Variants in CCNE2 observed in about 807,000 individuals in gnomAD.
CCNE2 encodes the protein cyclin E2.
Under a neutral mutation model 56.8 loss-of-function variants are expected in CCNE2, and 18 were observed. That is an observed-to-expected ratio of 0.32 (90% CI 0.22 to 0.47). The LOEUF (loss-of-function observed/expected upper bound fraction) is 0.47. CCNE2 is among the 20% of genes least tolerant of loss of function. The pLI, the probability that CCNE2 is intolerant of heterozygous loss-of-function variation, is 1.00. For synonymous variants in CCNE2, 139 were observed against 149.2 expected (o/e 0.93, Z 0.50); for missense variants, 371 against 467.1 (o/e 0.79, Z 1.90).
intron 9 of CCNE2, chr8:94,883,952 T>C (rs953526312): frequency 2.2e-5 from 10 of 455,726 alleles, no homozygotes; most frequent in South Asian, 6.2e-5. Context: ...ATTACTGTTA[T>C]ATACCTCTAG....
In CCNE2 at chr8:94,895,128, C is replaced by A. The variant is rs1817438228; in HGVS notation, c.-27+49G>T. 6 of 967,796 alleles carry A rather than the reference C, an allele frequency of 6.2e-6. No individual in the cohort carries two copies. In the South Asian group the frequency reaches 1.4e-4, roughly 23 times the overall value. The allele number at this position is 967,796 out of a possible 1,614,324, so 60.0% of individuals were successfully genotyped here. A position where few individuals can be genotyped will look rare whatever the true frequency, so the allele number is the denominator to read the frequency against. On this transcript the variant is annotated intron_variant, in intron 1 of 11. Transcript: ENST00000308108. Reference sequence around the variant, plus strand: ...CGCCTGTGGTAAGTGATCGGCCCAACTGGGCTTTCTTTCCTCCCACATCCC... The same window carrying A: ...CGCCTGTGGTAAGTGATCGGCCCAAATGGGCTTTCTTTCCTCCCACATCCC...
chr8:94,883,210 A>G (rs1170731857), intron 9 of CCNE2, among the ~76,000 whole-genome samples: 1 of 151,822 alleles, frequency 6.6e-6, no homozygotes, highest in Non-Finnish European at 1.5e-5. Context: ...CGGGATGCAG[A>G]GCTTGCAGTG....
At chr8:94,890,303 C>T (rs988987441) in intron 6 of CCNE2, 112 bp downstream of exon 6, 1 of 902,834 alleles carries the variant, frequency 1.1e-6, no homozygotes, top group Non-Finnish European at 1.6e-6. Context: ...TCAAAAAAGA[C>T]AGCTTCCTGG....
At chr8:94,888,893 AATCCC>A (rs1318060737) in intron 6 of CCNE2, among the ~76,000 whole-genome samples, 1 of 152,184 alleles carries the variant, frequency 6.6e-6, no homozygotes, top group Non-Finnish European at 1.5e-5. Flanking sequence ...TCACATCTGT[AATCCC>A]AGCACTTTGG....
In CCNE2 at chr8:94,895,178, G is replaced by A. The variant is rs374842718; in HGVS notation, c.-28C>T. ...CCCCTACGCGCAGCAACTCCTCACC[G>A]CCAGACCAGCTACCGCTCGGCTCAG... On this transcript the variant is annotated splice_region_variant and 5_prime_UTR_variant, in exon 1 of 12. Transcript: ENST00000308108. 18 of 985,776 alleles carry A rather than the reference G, an allele frequency of 1.8e-5. No individual in the cohort carries two copies. The East Asian group carries it at 5.7e-4, about 31-fold the overall frequency. 61.1% of individuals were successfully genotyped at this position (985,776 alleles called of 1,614,324 possible).
chr8:94,881,316 A>AGAT lies in CCNE2; in HGVS notation c.*313_*315dup. The AGAT allele has an allele frequency of 5.4e-6, 2 of 369,694 alleles. No homozygotes were observed. Among genetic ancestry groups the AGAT allele is most frequent in the Non-Finnish European group, 9.6e-6 (2 of 208,164 alleles). The allele number at this position is 369,694 out of a possible 1,614,324, so 22.9% of individuals were successfully genotyped here. ...CAGTGACAAAATTCCTAGTTTATCA[A>AGAT]GATAAACACAGTAACACTGGATTAA... On this transcript the variant is annotated 3_prime_UTR_variant, in exon 12 of 12. Transcript: ENST00000308108.
In CCNE2 at chr8:94,881,663, T is replaced by C. The variant is rs1210018986; in HGVS notation, c.1184A>G (p.Lys395Arg). Residue 395 changes from lysine (K) to arginine (R), a missense_variant, in exon 12 of 12, where the codon AAG (lysine) becomes AGG (arginine). Coordinates refer to ENST00000308108, the MANE Select transcript of CCNE2 (RefSeq NM_057749.3). ...TTTTCCTGGTGGTTTTTCAGTGCTC[T>C]TCGGTGGTGTCATAATGCCTCCATT... ...VCNGGIMTPP[K>R]STEKPPGKH 1 of 1,613,834 alleles carries C rather than the reference T, an allele frequency of 6.2e-7. No homozygotes were observed. The highest frequency in any genetic ancestry group is 8.5e-7 in the Non-Finnish European group (1 of 1,179,900).
chr8:94,891,707 C>T (rs1347564198), intron 5 of CCNE2: 7 of 621,334 alleles, frequency 1.1e-5, no homozygotes, highest in Admixed American at 2.4e-5. Flanking sequence ...TAAAATGTCA[C>T]TTTACAGAAA....
chr8:94,889,776 A>G (rs774374638), intron 6 of CCNE2, among the ~76,000 whole-genome samples: 6 of 152,246 alleles, frequency 3.9e-5, no homozygotes, highest in Non-Finnish European at 8.8e-5. Context: ...TTTCCTTAAT[A>G]ATAATTTTAG....
Position 94,882,772 on chromosome 8 carries a change from GA to G in CCNE2, c.943+8del. The G allele has an allele frequency of 1.3e-6, 2 of 1,561,618 alleles. No individual in the cohort carries two copies. On this transcript the variant is annotated splice_region_variant and intron_variant, in intron 10 of 11. Coordinates refer to ENST00000308108, the MANE Select transcript of CCNE2 (RefSeq NM_057749.3). ...AAAAGGTAAGAAGACAACAAATAGA[GA>G]GTCTTACCTGAGGCTTTCTTAACCA... is the stretch of plus-strand genomic sequence containing the variant.
At chr8:94,888,767 C>G (rs956577250) in intron 6 of CCNE2, among the ~76,000 whole-genome samples, 22 of 152,202 alleles carry the variant, frequency 1.4e-4, no homozygotes, top group African/African-American at 5.3e-4. Flanking sequence ...TTCAACTGAT[C>G]TGCCTGCCTC....
At position 94,885,217 on chromosome 8, in the gene CCNE2, T is replaced by A. The variant is rs2131103347; in HGVS notation, c.697-16A>T. 1.2e-6 allele frequency: 2 copies of A among 1,611,334 alleles called. No individual in the cohort carries two copies. The highest frequency in any genetic ancestry group is 1.7e-6 in the Non-Finnish European group (2 of 1,177,986). On this transcript the variant is annotated splice_polypyrimidine_tract_variant and intron_variant, in intron 8 of 11. Transcript: ENST00000308108. Reference sequence around the variant, plus strand: ...ATTTTAAAGCCTATTAAACAAAATTTAAAAATGCCTGTTAATGAATGTAGA... The same window carrying A: ...ATTTTAAAGCCTATTAAACAAAATTAAAAAATGCCTGTTAATGAATGTAGA...
At chr8:94,885,424 G>T in intron 8 of CCNE2, 39 bp downstream of exon 8, 2 of 1,289,538 alleles carry the variant, frequency 1.6e-6, no homozygotes, top group East Asian at 2.3e-5. Flanking sequence ...TAGTAACATG[G>T]TTTCTTTTTT....
chr8:94,881,439 C>T lies in CCNE2; in HGVS notation c.*193G>A, dbSNP rs1007650782. The T allele has an allele frequency of 1.8e-6, 1 of 571,082 alleles. No individual in the cohort carries two copies. The highest frequency in any genetic ancestry group is 1.9e-5 in the African/African-American group (1 of 52,406). The allele number at this position is 571,082 out of a possible 1,614,324, so 35.4% of individuals were successfully genotyped here. A position where few individuals can be genotyped will look rare whatever the true frequency, so the allele number is the denominator to read the frequency against. On this transcript the variant is annotated 3_prime_UTR_variant, in exon 12 of 12. Transcript: ENST00000308108. Reference sequence around the variant, plus strand: ...TAAACAAGTCCTGCTGTTTCTTTAACAGCTAACATAGGAAATAATTAAATG... The same window carrying T: ...TAAACAAGTCCTGCTGTTTCTTTAATAGCTAACATAGGAAATAATTAAATG...
rs759405082 is a variant in CCNE2 at position 94,892,844 on chromosome 8, A to C, written c.291T>G (p.Ile97Met). ...FTNYRFKNLF[I>M]NPSPLPDLSW... ...TTAAATCAGGCAAAGGTGAAGGATTAATAAAAAGATTTTTAAATCTGTAAT... is the reference window on the plus strand; with the variant it reads ...TTAAATCAGGCAAAGGTGAAGGATTCATAAAAAGATTTTTAAATCTGTAAT... Residue 97 changes from isoleucine (I) to methionine (M), a missense_variant, in exon 5 of 12, where the codon ATT becomes ATG. By Grantham distance (10) the Ile-to-Met change is conservative. Transcript: ENST00000308108. 4 of 1,459,348 alleles carry C rather than the reference A, an allele frequency of 2.7e-6. No homozygotes were observed. In the South Asian group the frequency reaches 4.0e-5, roughly 14 times the overall value. 90.4% of individuals were successfully genotyped at this position (1,459,348 alleles called of 1,614,324 possible).
upstream of CCNE2, among the ~76,000 whole-genome samples, chr8:94,895,482 C>G (rs1817469254): frequency 6.6e-6 from 1 of 152,152 alleles, no homozygotes; most frequent in Non-Finnish European, 1.5e-5. Flanking sequence ...TCCCCGCCGC[C>G]TGGCTCGCGC....
chr8:94,891,676 A>AC, intron 5 of CCNE2: 1 of 548,122 alleles, frequency 1.8e-6, no homozygotes, highest in Non-Finnish European at 3.1e-6. Context: ...AAAAAAAAAA[A>AC]AAAACACCAT....
Position 94,881,080 on chromosome 8 carries a change from T to A in CCNE2, c.*552A>T. 1 of 397,634 alleles carries A rather than the reference T, an allele frequency of 2.5e-6. No individual in the cohort carries two copies. The highest frequency in any genetic ancestry group is 4.4e-6 in the Non-Finnish European group (1 of 225,414). 24.6% of individuals were successfully genotyped at this position (397,634 alleles called of 1,614,324 possible). A position where few individuals can be genotyped will look rare whatever the true frequency, so the allele number is the denominator to read the frequency against. Reference sequence around the variant, plus strand: ...ATTAAATTTCACCATTTGTAGAAATTCAAGTTTTATAATAGCTTGCTATAG... The same window carrying A: ...ATTAAATTTCACCATTTGTAGAAATACAAGTTTTATAATAGCTTGCTATAG... On this transcript the variant is annotated 3_prime_UTR_variant, in exon 12 of 12. Coordinates refer to ENST00000308108, the MANE Select transcript of CCNE2 (RefSeq NM_057749.3).
At chr8:94,891,886 C>A in intron 5 of CCNE2, 1 of 1,415,926 alleles carries the variant, frequency 7.1e-7, no homozygotes, top group Non-Finnish European at 9.8e-7. Context: ...TGTAGATTCT[C>A]TGGTCATTGA....
Sources: gnomAD v4.1 joint callset for allele counts (sites outside exome capture counted in the v4.1 genomes callset) on GRCh38, gnomAD v4.1.1 for gene constraint, MANE v1.5 for transcripts, NCBI Gene and HGNC (gene_info 2026-07-23, HGNC 2026-07-21) for gene names.